The following LAMB4 variants were observed in gnomAD, a reference collection of about 807,000 sequenced individuals.
LAMB4 encodes the protein laminin subunit beta-4.
Under a neutral mutation model 199.2 loss-of-function variants are expected in LAMB4, and 196 were observed. The observed-to-expected ratio is 0.98, with a 90% CI of 0.88 to 1.11. LAMB4 has a LOEUF of 1.11. Ranked by LOEUF, LAMB4 falls within the 50% of genes least tolerant of loss-of-function variation. LAMB4 has a pLI of 0.00. For synonymous variants in LAMB4, 744 were observed against 770.6 expected (o/e 0.97, Z 0.57); for missense variants, 2,080 against 2,171.2 (o/e 0.96, Z 0.83).
intron 2 of LAMB4, among the ~76,000 whole-genome samples, chr7:108,116,770 T>C (rs1372093218): frequency 6.6e-6 from 1 of 152,214 alleles, no homozygotes; most frequent in African/African-American, 2.4e-5. Flanking sequence ...CACTGGCTCA[T>C]GCCTGTACAT....
At position 108,030,850 on chromosome 7, in the gene LAMB4, C is replaced by CT. The variant is rs1199379799; in HGVS notation, c.4947dup (p.Val1650SerfsTer4). The CT allele has an allele frequency of 1.2e-6, 2 of 1,614,194 alleles. No individual in the cohort carries two copies. The highest frequency in any genetic ancestry group is 2.2e-5 in the South Asian group (2 of 91,082). ...TGGTGTTGGGCAGATTCAGCCTGAA[C>CT]TTTCGCATTGACAGCGTGGTCTTGA... On this transcript the variant is annotated frameshift_variant, in exon 32 of 34. Transcript: ENST00000388781. LOFTEE classifies it high-confidence loss of function.
At chr7:108,070,375 T>C (rs2036492227) in intron 17 of LAMB4, among the ~76,000 whole-genome samples, 1 of 152,210 alleles carries the variant, frequency 6.6e-6, no homozygotes, top group Non-Finnish European at 1.5e-5. Context: ...CACACCCAGC[T>C]GGTGGCATCA....
chr7:108,016,476 G>T, the LAMB4 span, among the ~76,000 whole-genome samples: 2 of 151,918 alleles, frequency 1.3e-5, no homozygotes, highest in Non-Finnish European at 2.9e-5. Context: ...TAGAGATGGC[G>T]TTTCACCATA....
At chr7:108,125,840 C>A (rs1443111945) in intron 1 of LAMB4, among the ~76,000 whole-genome samples, 1 of 152,164 alleles carries the variant, frequency 6.6e-6, no homozygotes, top group Non-Finnish European at 1.5e-5. Flanking sequence ...TCACAGTTCA[C>A]CACATTTCTA....
intron 2 of LAMB4, among the ~76,000 whole-genome samples, chr7:108,121,312 T>C (rs796884096): frequency 6.6e-5 from 10 of 152,374 alleles, no homozygotes; most frequent in African/African-American, 2.2e-4. Flanking sequence ...TGTTACTATA[T>C]AATTTCTCTA....
At chr7:108,073,656 G>A (rs1176108713) in intron 17 of LAMB4, among the ~76,000 whole-genome samples, 1 of 152,146 alleles carries the variant, frequency 6.6e-6, no homozygotes, top group Admixed American at 6.5e-5. Context: ...ACTTTGAAAG[G>A]GCTGCGTCCC....
At chr7:108,122,377 G>T (rs557197431) in intron 2 of LAMB4, among the ~76,000 whole-genome samples, 3 of 152,172 alleles carry the variant, frequency 2.0e-5, no homozygotes, top group African/African-American at 7.2e-5. Context: ...TTCCCACTGG[G>T]CTGTGGCTCA....
intron 2 of LAMB4, among the ~76,000 whole-genome samples, chr7:108,117,856 G>T (rs1268877687): frequency 6.6e-6 from 1 of 152,166 alleles, no homozygotes; most frequent in Non-Finnish European, 1.5e-5. Context: ...GGCACTGATG[G>T]GAGTGTAGCA....
rs186028233 is a variant in LAMB4 at position 108,093,211 on chromosome 7, C to T, written c.1471-795G>A. Among the ~76,000 whole-genome samples the T allele has an allele frequency of 6.4e-3, 975 of 152,230 alleles. 5 individuals are homozygous for T. The highest frequency in any genetic ancestry group is 0.01 in the Non-Finnish European group (694 of 68,008). ...CCTCCCGAGTAGCTGGGATTACAGG[C>T]GCCTGCCACCACGCTCGGCTGATTT... On this transcript the variant is annotated intron_variant, in intron 12 of 33. Coordinates refer to ENST00000388781, the MANE Select transcript of LAMB4 (RefSeq NM_007356.3).
rs113489306 is a variant in LAMB4, at chr7:108,064,351, C to G, written c.2837-366G>C. Among the ~76,000 whole-genome samples, 7 of 152,250 alleles carry G rather than the reference C, an allele frequency of 4.6e-5. 1 individual carries two copies. Among genetic ancestry groups the G allele is most frequent in the African/African-American group, 1.7e-4 (7 of 41,544 alleles). On this transcript the variant is annotated intron_variant, in intron 21 of 33. Transcript: ENST00000388781. ...CCCTGGTCTCCTGGGGCAACCCACT[C>G]TCAGTTGATCCTAGAGGTGAACTAA...
intron 17 of LAMB4, among the ~76,000 whole-genome samples, chr7:108,075,187 G>T (rs1269118268): frequency 6.6e-6 from 1 of 152,160 alleles, no homozygotes; most frequent in Non-Finnish European, 1.5e-5. Flanking sequence ...TGGAGAAATG[G>T]ATTATATAGT....
chr7:108,043,545 G>GTGTT (rs2035496985), intron 29 of LAMB4, among the ~76,000 whole-genome samples: 6 of 55,994 alleles, frequency 1.1e-4, no homozygotes, highest in African/African-American at 8.8e-4. Context: ...TGGCTATGAT[G>GTGTT]TTTTTTTTTT....
chr7:108,089,177 C>G (rs1046279641), intron 14 of LAMB4, among the ~76,000 whole-genome samples: 1 of 152,126 alleles, frequency 6.6e-6, no homozygotes, highest in African/African-American at 2.4e-5. Flanking sequence ...TCAATCATCC[C>G]TATGTCTCAT....
chr7:108,089,225 A>C (rs1006603309), intron 14 of LAMB4, among the ~76,000 whole-genome samples: 1 of 152,150 alleles, frequency 6.6e-6, no homozygotes, highest in African/African-American at 2.4e-5. Context: ...CTCTTTGAAC[A>C]TGGTGCAGTA....
chr7:108,107,847 A>G, intron 5 of LAMB4, 28 bp from the exon 6 acceptor site: 2 of 1,512,206 alleles, frequency 1.3e-6, no homozygotes, highest in South Asian at 1.3e-5. Flanking sequence ...AAGTTGGCAC[A>G]TTTCACAAAG....
chr7:108,055,936 C>T lies in LAMB4; in HGVS notation c.3451G>A (p.Glu1151Lys). ...TCACATCTCTGGCCGCTGACACCCT[C>T]CCGGCAGCGGCACATGCCTGTGTCT... ...DPDTGMCRCR[E>K]GVSGQRCDRC... is the part of the protein sequence containing the mutation. Residue 1151 changes from glutamate (E) to lysine (K), a missense_variant, in exon 25 of 34, where the codon GAG (glutamate) becomes AAG (lysine). Glu to Lys is a moderately conservative substitution (Grantham distance 56). Transcript: ENST00000388781. 1.2e-6 allele frequency: 2 copies of T among 1,614,166 alleles called. No homozygotes were observed. Among genetic ancestry groups the T allele is most frequent in the Non-Finnish European group, 1.7e-6 (2 of 1,179,988 alleles).
intron 1 of LAMB4, among the ~76,000 whole-genome samples, chr7:108,124,836 C>A: frequency 6.6e-6 from 1 of 152,190 alleles, no homozygotes; most frequent in East Asian, 1.9e-4. Context: ...ACAGTCCCTG[C>A]GCTCCAGCCT....
chr7:108,085,714 C>T (rs907744153), intron 14 of LAMB4, among the ~76,000 whole-genome samples: 7 of 151,918 alleles, frequency 4.6e-5, no homozygotes, highest in Admixed American at 6.6e-5. Flanking sequence ...CCCGGGTTCA[C>T]GCCATTCTCC....
At chr7:108,128,686 A>G (rs575142820) in intron 1 of LAMB4, among the ~76,000 whole-genome samples, 1 of 152,334 alleles carries the variant, frequency 6.6e-6, no homozygotes, top group Non-Finnish European at 1.5e-5. Context: ...CCACAGCTGC[A>G]CATACAGCGC....
Sources: allele counts gnomAD v4.1 joint callset (sites outside exome capture counted in the v4.1 genomes callset), GRCh38; gene constraint gnomAD v4.1.1; transcripts MANE v1.5; gene names NCBI Gene and HGNC (gene_info 2026-07-23, HGNC 2026-07-21).